The following MACROD2 variants were observed in gnomAD, a reference collection of about 807,000 sequenced individuals.
MACROD2 encodes the protein ADP-ribose glycohydrolase MACROD2.
MACROD2 carries 36 observed loss-of-function variants against 70.4 expected under a neutral mutation model. The observed-to-expected ratio is 0.51, with a 90% CI of 0.39 to 0.68. The LOEUF (loss-of-function observed/expected upper bound fraction) is 0.68. MACROD2 is among the 30% of genes least tolerant of loss of function. The pLI is 0.00. For missense variants in MACROD2, 496 were observed against 538.4 expected (o/e 0.92, Z 0.78); for synonymous variants, 172 against 178.8 (o/e 0.96, Z 0.30).
chr20:14,540,707 A>G (rs1175576539), intron 4 of MACROD2, among the ~76,000 whole-genome samples: 1 of 152,126 alleles, frequency 6.6e-6, no homozygotes, highest in Non-Finnish European at 1.5e-5. Flanking sequence ...CCTTTTACCT[A>G]TTTTGAGCTT....
At chr20:15,148,986 C>A (rs1008031387) in intron 5 of MACROD2, among the ~76,000 whole-genome samples, 1 of 151,968 alleles carries the variant, frequency 6.6e-6, no homozygotes, top group African/African-American at 2.4e-5. Flanking sequence ...TGAGGAATTA[C>A]GTCTGACAGA....
chr20:15,725,964 A>G (rs2050856730), intron 8 of MACROD2, among the ~76,000 whole-genome samples: 1 of 152,178 alleles, frequency 6.6e-6, no homozygotes, highest in African/African-American at 2.4e-5. Flanking sequence ...AGGTAAATCT[A>G]CATAATTTTA....
intron 3 of MACROD2, among the ~76,000 whole-genome samples, chr20:14,478,638 C>T (rs1034729954): frequency 9.2e-5 from 14 of 152,138 alleles, no homozygotes; most frequent in African/African-American, 3.1e-4. Context: ...TCCTTCAGGG[C>T]CTACTCTCTT....
At chr20:16,039,962 T>C (rs2067286897) in intron 15 of MACROD2, among the ~76,000 whole-genome samples, 1 of 151,876 alleles carries the variant, frequency 6.6e-6, no homozygotes, top group African/African-American at 2.4e-5. Flanking sequence ...TATCTTGGTG[T>C]CCCCCAAATA....
At chr20:15,893,269 G>A (rs938295035) in intron 10 of MACROD2, among the ~76,000 whole-genome samples, 1 of 152,232 alleles carries the variant, frequency 6.6e-6, no homozygotes, top group Non-Finnish European at 1.5e-5. Context: ...GCAAAAAATT[G>A]TAGGTAGTGC....
chr20:14,890,280 G>A (rs760306857), intron 5 of MACROD2, among the ~76,000 whole-genome samples: 2 of 152,132 alleles, frequency 1.3e-5, no homozygotes, highest in African/African-American at 4.8e-5. Flanking sequence ...CTCCAAAGGA[G>A]TGAGTATAGA....
At chr20:14,517,512 G>T (rs1423962899) in intron 4 of MACROD2, among the ~76,000 whole-genome samples, 2 of 152,012 alleles carry the variant, frequency 1.3e-5, no homozygotes, top group African/African-American at 4.8e-5. Context: ...ACAAGGAGGG[G>T]AACATCACAC....
intron 6 of MACROD2, among the ~76,000 whole-genome samples, chr20:15,341,653 A>T (rs1440996879): frequency 6.6e-6 from 1 of 152,244 alleles, no homozygotes; most frequent in Non-Finnish European, 1.5e-5. Context: ...CAACATGCAA[A>T]AGCATACACC....
intron 5 of MACROD2, among the ~76,000 whole-genome samples, chr20:14,806,662 A>G (rs1434200040): frequency 6.6e-6 from 1 of 152,076 alleles, no homozygotes; most frequent in Non-Finnish European, 1.5e-5. Flanking sequence ...TCCCACCCCC[A>G]CGGAGACCAG....
intron 2 of MACROD2, among the ~76,000 whole-genome samples, chr20:14,027,103 G>T (rs2053179286): frequency 6.6e-6 from 1 of 152,162 alleles, no homozygotes; most frequent in Non-Finnish European, 1.5e-5. Flanking sequence ...CCAATCAAAC[G>T]TAGGTTTGGT....
At chr20:14,656,952 C>T (rs1820520889) in intron 4 of MACROD2, among the ~76,000 whole-genome samples, 1 of 152,150 alleles carries the variant, frequency 6.6e-6, no homozygotes, top group Non-Finnish European at 1.5e-5. Flanking sequence ...TCACTGCCTT[C>T]TCACATGGCT....
chr20:15,147,429 A>T (rs2076238157), intron 5 of MACROD2, among the ~76,000 whole-genome samples: 1 of 149,220 alleles, frequency 6.7e-6, no homozygotes. Flanking sequence ...CGGAGTTAGC[A>T]TTTTTTTTTT....
chr20:15,159,360 ACT>A (rs1444397932), intron 5 of MACROD2, among the ~76,000 whole-genome samples: 4 of 151,740 alleles, frequency 2.6e-5, no homozygotes, highest in Non-Finnish European at 4.4e-5. Context: ...CAAACATATG[ACT>A]CTCTGGAAAT....
At chr20:16,025,940 G>A (rs994496181) in intron 15 of MACROD2, among the ~76,000 whole-genome samples, 1 of 151,226 alleles carries the variant, frequency 6.6e-6, no homozygotes, top group African/African-American at 2.4e-5. Context: ...GAGGTCAGGA[G>A]TTGGAGACCA....
At chr20:14,066,712 G>A (rs1047553359) in intron 2 of MACROD2, among the ~76,000 whole-genome samples, 3 of 151,430 alleles carry the variant, frequency 2.0e-5, no homozygotes, top group African/African-American at 7.3e-5. Context: ...AGTCTATCAA[G>A]TTAACCTCAC....
intron 8 of MACROD2, among the ~76,000 whole-genome samples, chr20:15,563,718 C>T (rs2048274840): frequency 6.6e-6 from 1 of 152,098 alleles, no homozygotes; most frequent in African/African-American, 2.4e-5. Flanking sequence ...TTTTATTGCA[C>T]ACTTCTAGCT....
At chr20:15,752,666 T>G (rs1442378797) in intron 8 of MACROD2, among the ~76,000 whole-genome samples, 2 of 152,190 alleles carry the variant, frequency 1.3e-5, no homozygotes, top group Non-Finnish European at 2.9e-5. Context: ...ATGTCATTTC[T>G]TGTATTAAAC....
chr20:15,289,434 T>C (rs2077521716), intron 6 of MACROD2, among the ~76,000 whole-genome samples: 2 of 152,212 alleles, frequency 1.3e-5, no homozygotes, highest in African/African-American at 2.4e-5. Flanking sequence ...AAGGATCTTA[T>C]GGGTTTGCTT....
At chr20:14,838,971 AATAGAAGCC>A (rs2073059244) in intron 5 of MACROD2, among the ~76,000 whole-genome samples, 1 of 152,114 alleles carries the variant, frequency 6.6e-6, no homozygotes, top group African/African-American at 2.4e-5. Flanking sequence ...GTCTGGCAGT[AATAGAAGCC>A]ATATGCTGTG....
Sources: gnomAD v4.1 joint callset for allele counts (sites outside exome capture counted in the v4.1 genomes callset) on GRCh38, gnomAD v4.1.1 for gene constraint, MANE v1.5 for transcripts, NCBI Gene and HGNC (gene_info 2026-07-23, HGNC 2026-07-21) for gene names.